WWOX: variants seen among roughly 807,000 people sequenced by gnomAD.
The protein encoded by WWOX is WW domain-containing oxidoreductase.
WWOX carries 69 observed loss-of-function variants against 46.2 expected under a neutral mutation model. The observed-to-expected ratio is 1.49, with a 90% CI of 1.23 to 1.82. The LOEUF is 1.82. WWOX is among the 40% of genes most tolerant of loss of function. WWOX has a pLI of 0.00. For missense variants in WWOX, 919 were observed against 542.6 expected (o/e 1.69, Z -6.89); for synonymous variants, 359 against 202.6 (o/e 1.77, Z -6.56).
chr16:79,177,798 G>A (rs930536084), intron 8 of WWOX, among the ~76,000 whole-genome samples: 1 of 152,114 alleles, frequency 6.6e-6, no homozygotes, highest in Non-Finnish European at 1.5e-5. Context: ...TGGACCATAG[G>A]GCCTGTGTCA....
In WWOX at chr16:78,435,433, G is replaced by A. The variant is rs116224068; in HGVS notation, c.1056+2681G>A. On this transcript the variant is annotated intron_variant, in intron 8 of 8. Transcript: ENST00000566780. ...GCCTATAGCAAGGCAAGGCTTGGGA[G>A]AAACAAATGTCCTCTGGGAGCAGCC... Among the ~76,000 whole-genome samples the A allele has an allele frequency of 5.1e-3, 782 of 152,312 alleles. 3 individuals are homozygous for A. Among genetic ancestry groups the A allele is most frequent in the African/African-American group, 0.018 (741 of 41,560 alleles).
intron 8 of WWOX, among the ~76,000 whole-genome samples, chr16:78,858,747 C>T (rs1597730126): frequency 6.6e-6 from 1 of 151,830 alleles, no homozygotes; most frequent in African/African-American, 2.4e-5. Context: ...GGCACAATCA[C>T]AGCTCACTGC....
chr16:78,934,678 G>A (rs2045699015), intron 8 of WWOX, among the ~76,000 whole-genome samples: 1 of 152,126 alleles, frequency 6.6e-6, no homozygotes, highest in Non-Finnish European at 1.5e-5. Context: ...AGGATCTTCA[G>A]TGCCAGAACC....
At chr16:79,087,422 T>A (rs896324786) in intron 8 of WWOX, among the ~76,000 whole-genome samples, 3 of 152,138 alleles carry the variant, frequency 2.0e-5, no homozygotes, top group Admixed American at 2.0e-4. Context: ...GAGAGTCACA[T>A]TGGGTGGTTT....
At chr16:78,676,716 C>G (rs1390475014) in intron 8 of WWOX, among the ~76,000 whole-genome samples, 2 of 152,146 alleles carry the variant, frequency 1.3e-5, no homozygotes, top group South Asian at 2.1e-4. Flanking sequence ...CAGTTTAAAG[C>G]AAGTTCTCAT....
At chr16:78,784,449 T>C (rs567149704) in intron 8 of WWOX, among the ~76,000 whole-genome samples, 4 of 152,134 alleles carry the variant, frequency 2.6e-5, no homozygotes, top group African/African-American at 9.6e-5. Flanking sequence ...GTGAAGTTCT[T>C]ACCCATTAGG....
intron 8 of WWOX, among the ~76,000 whole-genome samples, chr16:79,192,985 G>C (rs73584747): frequency 0.22 from 33,240 of 152,172 alleles, 3,740 homozygotes; most frequent in Middle Eastern, 0.31. Context: ...ATTCCTTTCT[G>C]CTACTTCTCT....
At chr16:78,430,354 C>T (rs928338355) in intron 7 of WWOX, among the ~76,000 whole-genome samples, 5 of 152,032 alleles carry the variant, frequency 3.3e-5, no homozygotes, top group Admixed American at 2.6e-4. Context: ...TATCAGTCAC[C>T]CTCCAAAAAT....
intron 4 of WWOX, among the ~76,000 whole-genome samples, chr16:78,151,919 G>C (rs979773971): frequency 2.4e-4 from 36 of 152,084 alleles, no homozygotes; most frequent in African/African-American, 8.5e-4. Flanking sequence ...GGCCAGGCGC[G>C]GTGGCTCACG....
intron 8 of WWOX, among the ~76,000 whole-genome samples, chr16:78,812,405 T>C (rs1310891215): frequency 1.3e-5 from 2 of 151,962 alleles, no homozygotes; most frequent in Non-Finnish European, 2.9e-5. Flanking sequence ...CTTGAAAATA[T>C]TTGTTAAAAA....
At chr16:78,493,701 G>A (rs75464742) in intron 8 of WWOX, among the ~76,000 whole-genome samples, 2,916 of 152,180 alleles carry the variant, frequency 0.019, 32 homozygotes, top group Non-Finnish European at 0.03. Context: ...AATACGTTAC[G>A]TAAATGGAAC....
At chr16:78,664,874 A>G (rs2047295221) in intron 8 of WWOX, among the ~76,000 whole-genome samples, 1 of 152,238 alleles carries the variant, frequency 6.6e-6, no homozygotes, top group Non-Finnish European at 1.5e-5. Context: ...GTAAAACGGA[A>G]TTTGCCAAAC....
intron 8 of WWOX, among the ~76,000 whole-genome samples, chr16:78,993,505 C>G (rs1020248933): frequency 6.6e-6 from 1 of 152,162 alleles, no homozygotes; most frequent in South Asian, 2.1e-4. Flanking sequence ...GACTAATCAG[C>G]ACGCAGGAGC....
At chr16:78,472,373 T>G (rs567222207) in intron 8 of WWOX, among the ~76,000 whole-genome samples, 2 of 152,162 alleles carry the variant, frequency 1.3e-5, no homozygotes, top group South Asian at 4.1e-4. Context: ...AATGAAAAAC[T>G]TTGGGGCCTT....
chr16:79,060,337 G>C (rs11646307), intron 8 of WWOX, among the ~76,000 whole-genome samples: 77,942 of 152,146 alleles, frequency 0.51, 20,165 homozygotes, highest in Admixed American at 0.54. Context: ...TATAGCCCAT[G>C]TCCCTCTCCA....
chr16:78,403,646 T>C (rs2151945269), intron 6 of WWOX, among the ~76,000 whole-genome samples: 1 of 152,306 alleles, frequency 6.6e-6, no homozygotes, highest in East Asian at 1.9e-4. Context: ...TATTGACAAA[T>C]ACCAGTCATC....
At chr16:78,977,736 G>A (rs1376321078) in intron 8 of WWOX, among the ~76,000 whole-genome samples, 1 of 152,104 alleles carries the variant, frequency 6.6e-6, no homozygotes, top group African/African-American at 2.4e-5. Flanking sequence ...GTGCCTGCAA[G>A]TCTGTGACCG....
At chr16:78,503,091 T>G (rs1225755723) in intron 8 of WWOX, among the ~76,000 whole-genome samples, 1 of 152,230 alleles carries the variant, frequency 6.6e-6, no homozygotes, top group African/African-American at 2.4e-5. Context: ...TGTTGCTGAC[T>G]GTTTTTGAGA....
chr16:78,383,544 G>T (rs148076817), intron 5 of WWOX, among the ~76,000 whole-genome samples: 3 of 152,216 alleles, frequency 2.0e-5, no homozygotes, highest in African/African-American at 7.2e-5. Flanking sequence ...TCTCGAAAAG[G>T]GGTTCCGTTT....
Sources: allele counts gnomAD v4.1 joint callset (sites outside exome capture counted in the v4.1 genomes callset), GRCh38; gene constraint gnomAD v4.1.1; transcripts MANE v1.5; gene names NCBI Gene and HGNC (gene_info 2026-07-23, HGNC 2026-07-21).